The following CFDP1 variants were observed in gnomAD, a reference collection of about 807,000 sequenced individuals.
CFDP1 encodes chromatin remodeling protein CFDP1.
CFDP1 carries 31 observed loss-of-function variants against 40.1 expected under a neutral mutation model. The ratio of observed to expected loss-of-function variants is 0.77; its 90% CI spans 0.58 to 1.04. CFDP1 has a LOEUF of 1.04. Among genes scored for constraint, CFDP1 ranks in the 50% least tolerant of loss-of-function variants. The pLI, the probability that CFDP1 is intolerant of heterozygous loss-of-function variation, is 0.00. For missense variants in CFDP1, 423 were observed against 343.4 expected, an observed-to-expected ratio of 1.23 and a Z score of -1.83; for synonymous variants, 167 against 120.0, an observed-to-expected ratio of 1.39 and a Z score of -2.56.
intron 5 of CFDP1, among the ~76,000 whole-genome samples, chr16:75,343,209 T>C (rs1166645968): frequency 6.6e-6 from 1 of 152,106 alleles, no homozygotes; most frequent in Admixed American, 6.5e-5. Context: ...TACATGACAC[T>C]AAATAAGTTA....
chr16:75,317,298 T>C (rs1350176687), intron 5 of CFDP1, among the ~76,000 whole-genome samples: 1 of 152,226 alleles, frequency 6.6e-6, no homozygotes, highest in Non-Finnish European at 1.5e-5. Flanking sequence ...CACTCAAATG[T>C]GGTTTCATCT....
chr16:75,328,557 C>A (rs1201857653), intron 5 of CFDP1, among the ~76,000 whole-genome samples: 5 of 139,754 alleles, frequency 3.6e-5, no homozygotes, highest in Non-Finnish European at 7.6e-5. Context: ...CAAGATCATG[C>A]CATTGCACTC....
chr16:75,425,063 A>G (rs1466999437), intron 1 of CFDP1, among the ~76,000 whole-genome samples: 3 of 152,168 alleles, frequency 2.0e-5, no homozygotes, highest in Admixed American at 1.3e-4. Flanking sequence ...AATTAGAAAT[A>G]AAAACTTTTT....
chr16:75,362,305 G>C (rs976647335), intron 5 of CFDP1, among the ~76,000 whole-genome samples: 1 of 152,188 alleles, frequency 6.6e-6, no homozygotes, highest in South Asian at 2.1e-4. Context: ...GCGGGGCCCA[G>C]CTGCACCTCT....
intron 5 of CFDP1, among the ~76,000 whole-genome samples, chr16:75,326,857 C>T (rs1240678612): frequency 2.0e-5 from 3 of 152,096 alleles, no homozygotes; most frequent in Non-Finnish European, 4.4e-5. Flanking sequence ...AACGTTATAC[C>T]CAGAAAACCA....
chr16:75,367,259 A>C (rs2078721170), intron 5 of CFDP1, among the ~76,000 whole-genome samples: 1 of 151,954 alleles, frequency 6.6e-6, no homozygotes, highest in Non-Finnish European at 1.5e-5. Context: ...ACCACCACCC[A>C]AAAACCTGTT....
At chr16:75,425,390 CAAAAAAAAAAAA>C (rs34282121) in intron 1 of CFDP1, among the ~76,000 whole-genome samples, 4 of 99,048 alleles carry the variant, frequency 4.0e-5, no homozygotes, top group African/African-American at 1.3e-4. Context: ...CCATCCCCCT[CAAAAAAAAAAAA>C]AAAAAAAAAA....
intron 5 of CFDP1, among the ~76,000 whole-genome samples, chr16:75,363,631 A>T (rs1466949734): frequency 6.6e-6 from 1 of 152,058 alleles, no homozygotes; most frequent in Non-Finnish European, 1.5e-5. Context: ...CCTGACCTCA[A>T]ATGAGCCACC....
chr16:75,306,890 C>A (rs892963307), intron 5 of CFDP1, among the ~76,000 whole-genome samples: 1 of 143,648 alleles, frequency 7.0e-6, no homozygotes, highest in East Asian at 1.9e-4. Flanking sequence ...CACACACACA[C>A]ACACACACAC....
rs60458195 is a variant in CFDP1 at position 75,418,306 on chromosome 16, CT to C, written c.65-3612del. Among the ~76,000 whole-genome samples the C allele has an allele frequency of 2.9e-3, 312 of 107,150 alleles. 1 individual carries two copies. Among genetic ancestry groups the C allele is most frequent in the African/African-American group, 9.5e-3 (279 of 29,504 alleles). 70.3% of individuals were successfully genotyped at this position (107,150 alleles called of 152,430 possible). ...AAGAATATCAATATGAACTCTAACC[CT>C]TTTTTTTTTTTTTTTTGAGACGCAG... On this transcript the variant is annotated intron_variant, in intron 1 of 6. Transcript: ENST00000283882.
chr16:75,426,890 A>C (rs2079348223), intron 1 of CFDP1, among the ~76,000 whole-genome samples: 1 of 151,924 alleles, frequency 6.6e-6, no homozygotes, highest in Admixed American at 6.6e-5. Context: ...CCCCATCTCT[A>C]CTGAAAATAC....
intron 5 of CFDP1, among the ~76,000 whole-genome samples, chr16:75,376,104 G>A (rs567849869): frequency 3.2e-4 from 48 of 152,178 alleles, no homozygotes; most frequent in Non-Finnish European, 6.0e-4. Context: ...CCAGCTACTC[G>A]AGAGGCTGAG....
intron 4 of CFDP1, among the ~76,000 whole-genome samples, chr16:75,401,783 T>G (rs2079056934): frequency 6.6e-6 from 1 of 152,030 alleles, no homozygotes; most frequent in Non-Finnish European, 1.5e-5. Context: ...AAGAGTCACC[T>G]GAGACAATTA....
chr16:75,349,780 T>G (rs999754556), intron 5 of CFDP1, among the ~76,000 whole-genome samples: 17 of 146,934 alleles, frequency 1.2e-4, no homozygotes, highest in Admixed American at 6.9e-5. Context: ...TTCTAATCAA[T>G]TTTTAGTGGA....
chr16:75,409,182 T>A (rs773766814), intron 4 of CFDP1: 9 of 152,170 alleles, frequency 5.9e-5, no homozygotes, highest in Non-Finnish European at 8.8e-5. Flanking sequence ...AATAACAGAA[T>A]AAAAGGTAAC....
Position 75,395,214 on chromosome 16 carries a change from G to A in CFDP1, c.531-5C>T, listed in dbSNP as rs562545327. 3 of 1,612,416 alleles carry A rather than the reference G, an allele frequency of 1.9e-6. No individual in the cohort carries two copies. The highest frequency in any genetic ancestry group is 1.3e-5 in the African/African-American group (1 of 74,900). On this transcript the variant is annotated splice_region_variant and splice_polypyrimidine_tract_variant and intron_variant, in intron 4 of 6. Coordinates refer to ENST00000283882, the MANE Select transcript of CFDP1 (RefSeq NM_006324.3). ...GCATCCACTTCCTTAGTTACCCTGT[G>A]CCAAGGAAAAAGACATCAAGCTTAC...
intron 1 of CFDP1, among the ~76,000 whole-genome samples, chr16:75,422,396 CTTTTTTTTTT>C (rs765465924): frequency 1.5e-5 from 2 of 129,488 alleles, no homozygotes; most frequent in Middle Eastern, 4.3e-3. Context: ...CGTATGGCCT[CTTTTTTTTTT>C]TTTTTTTTTT....
chr16:75,319,527 T>C (rs1328638590), intron 5 of CFDP1, among the ~76,000 whole-genome samples: 4 of 152,142 alleles, frequency 2.6e-5, no homozygotes, highest in Admixed American at 6.5e-5. Context: ...TTAGCGCTCC[T>C]GCTAGGGTCC....
chr16:75,398,143 AATGCTTATC>A (rs1328279690), intron 4 of CFDP1, among the ~76,000 whole-genome samples: 1 of 152,244 alleles, frequency 6.6e-6, no homozygotes, highest in African/African-American at 2.4e-5. Flanking sequence ...GCAACAAGTA[AATGCTTATC>A]ATTGTACATC....
Sources: allele counts gnomAD v4.1 joint callset (sites outside exome capture counted in the v4.1 genomes callset), GRCh38; gene constraint gnomAD v4.1.1; transcripts MANE v1.5; gene names NCBI Gene and HGNC (gene_info 2026-07-23, HGNC 2026-07-21).